G6PD: variants seen among roughly 807,000 people sequenced by gnomAD.
G6PD encodes glucose-6-phosphate 1-dehydrogenase.
G6PD carries 2 observed loss-of-function variants against 38.2 expected under a neutral mutation model. The observed-to-expected ratio is 0.05, with a 90% CI of 0.02 to 0.16. The LOEUF (loss-of-function observed/expected upper bound fraction) is 0.16. G6PD is among the 10% of genes least tolerant of loss of function. The pLI, the probability that G6PD is intolerant of heterozygous loss-of-function variation, is 1.00. For synonymous variants in G6PD, 188 were observed against 196.0 expected (o/e 0.96, Z 0.34); for missense variants, 310 against 471.6 (o/e 0.66, Z 3.17).
rs371427128 is a variant in G6PD, at chrX:154,542,367, G to C, written c.120+3669C>G. The C allele has an allele frequency of 3.3e-6, 4 of 1,207,426 alleles. No individual in the cohort carries two copies. Among genetic ancestry groups the C allele is most frequent in the Non-Finnish European group, 3.4e-6 (3 of 893,427 alleles). On this transcript the variant is annotated intron_variant, in intron 2 of 12. Transcript: ENST00000393562. Reference sequence around the variant, plus strand: ...CCCTCACTCCCTGTGAAGCTCTCCAGCATCATCGAGGTCCCATCAGGTGGG... The same window carrying C: ...CCCTCACTCCCTGTGAAGCTCTCCACCATCATCGAGGTCCCATCAGGTGGG...
At chrX:154,535,766 G>T in intron 4 of G6PD, 171 bp downstream of exon 4, 1 of 502,112 alleles carries the variant, frequency 2.0e-6, no homozygotes, top group Non-Finnish European at 3.6e-6. Context: ...GTGGGTCCTG[G>T]TCACGGGGGC....
rs782172801 is a variant in G6PD, at chrX:154,542,525, C to G, written c.120+3511G>C. 534 of 1,095,849 alleles carry G rather than the reference C, an allele frequency of 4.9e-4. 1 individual carries two copies. Among genetic ancestry groups the G allele is most frequent in the Non-Finnish European group, 4.4e-4 (365 of 834,342 alleles). 90.3% of individuals were successfully genotyped at this position (1,095,849 alleles called of 1,213,427 possible). On this transcript the variant is annotated intron_variant, in intron 2 of 12. Coordinates refer to ENST00000393562, the MANE Select transcript of G6PD (RefSeq NM_001360016.2). ...GCAGGAAGTGGCCCACTTGGTAACT[C>G]TGAGGTGCCATCAGGGCCCCCAGGA...
At chrX:154,538,884 C>A (rs1023315374) in intron 2 of G6PD, among the ~76,000 whole-genome samples, 2 of 109,920 alleles carry the variant, frequency 1.8e-5, no homozygotes, top group Admixed American at 1.9e-4. Context: ...CGAGATCACA[C>A]CACTGTAGCC....
rs1557230310 is a variant in G6PD, at chrX:154,534,316, C to T, written c.644+22G>A. On this transcript the variant is annotated intron_variant, in intron 6 of 12. Coordinates refer to ENST00000393562, the MANE Select transcript of G6PD (RefSeq NM_001360016.2). ...CTGAGTACCACCCCCACCCTGGTCC[C>T]CCGGCCCAGGCTTGGCCCCACCTCA... is the stretch of plus-strand genomic sequence containing the variant. The T allele has an allele frequency of 4.1e-6, 5 of 1,207,720 alleles. No homozygotes were observed. In the African/African-American group the frequency reaches 7.0e-5, roughly 17 times the overall value.
chrX:154,542,543 C>A (rs1009960467), intron 2 of G6PD: 11 of 1,048,025 alleles, frequency 1.0e-5, no homozygotes, highest in Non-Finnish European at 1.3e-5. Flanking sequence ...CCATCAGGGC[C>A]CCCAGGAAGG....
chrX:154,537,324 AAAC>A (rs1480182414), intron 2 of G6PD, among the ~76,000 whole-genome samples: 4 of 107,881 alleles, frequency 3.7e-5, no homozygotes, highest in Admixed American at 9.9e-5. Context: ...AAAAACAAAA[AAAC>A]AACTAAACAG....
intron 2 of G6PD, chrX:154,542,549 G>A: frequency 9.7e-7 from 1 of 1,029,579 alleles, no homozygotes; most frequent in Non-Finnish European, 1.3e-6. Flanking sequence ...GGGCCCCCAG[G>A]AAGGAAGCTG....
At chrX:154,546,856 G>C, upstream of G6PD, 1 of 1,111,066 alleles carries the variant, frequency 9.0e-7, no homozygotes, top group Non-Finnish European at 1.2e-6. Flanking sequence ...CGGGGGCTGA[G>C]CCCCGCCGGC....
At position 154,535,397 on chromosome X, in the gene G6PD, GGACA is replaced by G. The variant is rs1569556252; in HGVS notation, c.268-16_268-13del. 6 of 1,189,276 alleles carry G rather than the reference GGACA, an allele frequency of 5.0e-6. No homozygotes were observed. The highest frequency in any genetic ancestry group is 2.2e-5 in the Admixed American group (1 of 45,200). ...TCCTCTGGGGTGGCCTGGGAGACACGGACAGACAGACACACAGACAGATGTCAGC... is the reference window on the plus strand; with the variant it reads ...TCCTCTGGGGTGGCCTGGGAGACACGGACAGACACACAGACAGATGTCAGC... On this transcript the variant is annotated splice_polypyrimidine_tract_variant and intron_variant, in intron 4 of 12. Transcript: ENST00000393562.
At chrX:154,546,371 T>A (rs1464381310) in intron 1 of G6PD, among the ~76,000 whole-genome samples, 1 of 112,253 alleles carries the variant, frequency 8.9e-6, no homozygotes, top group East Asian at 2.8e-4. Context: ...TAGGCAGCCT[T>A]CATTCAGGGT....
Position 154,531,759 on chromosome X carries a change from A to T in G6PD, c.*241T>A, listed in dbSNP as rs1457722022. 4.7e-6 allele frequency: 2 copies of T among 423,719 alleles called. No individual in the cohort carries two copies. The highest frequency in any genetic ancestry group is 4.2e-5 in the Admixed American group (1 of 23,728). 34.9% of individuals were successfully genotyped at this position (423,719 alleles called of 1,213,427 possible). A position where few individuals can be genotyped will look rare whatever the true frequency, so the allele number is the denominator to read the frequency against. On this transcript the variant is annotated 3_prime_UTR_variant, in exon 13 of 13. Transcript: ENST00000393562. Reference sequence around the variant, plus strand: ...TCTGTTGGGCTGGAGTGAGTGGAGGAGGTGACTCAGCTCCTGGGCTCAGGC... The same window carrying T: ...TCTGTTGGGCTGGAGTGAGTGGAGGTGGTGACTCAGCTCCTGGGCTCAGGC...
At chrX:154,535,868 G>A (rs2070402036) in intron 4 of G6PD, 69 bp downstream of exon 4, 17 of 927,471 alleles carry the variant, frequency 1.8e-5, no homozygotes, top group South Asian at 4.0e-5. Context: ...GGAGGTCCCC[G>A]AAGCTGGCCA....
chrX:154,531,945 T>A lies in G6PD; in HGVS notation c.*55A>T. 2.9e-6 allele frequency: 3 copies of A among 1,032,864 alleles called. No individual in the cohort carries two copies. The highest frequency in any genetic ancestry group is 3.8e-6 in the Non-Finnish European group (3 of 787,780). 85.1% of individuals were successfully genotyped at this position (1,032,864 alleles called of 1,213,427 possible). A position where few individuals can be genotyped will look rare whatever the true frequency, so the allele number is the denominator to read the frequency against. ...GTCCCGGAGTCCTCCCGACTCGGGG[T>A]CGGGCGGCGGGAAGGAGGGTGGCCG... On this transcript the variant is annotated 3_prime_UTR_variant, in exon 13 of 13. Transcript: ENST00000393562.
chrX:154,546,571 C>T (rs2035592366), intron 1 of G6PD, among the ~76,000 whole-genome samples: 1 of 110,789 alleles, frequency 9.0e-6, no homozygotes, highest in African/African-American at 3.3e-5. Context: ...CTCCAGCCCT[C>T]CCCTTGCCAA....
intron 2 of G6PD, among the ~76,000 whole-genome samples, chrX:154,540,180 A>G (rs782235799): frequency 6.4e-5 from 7 of 109,183 alleles, no homozygotes; most frequent in Non-Finnish European, 1.1e-4. Context: ...CGTCTCTACT[A>G]AAAATACAGG....
chrX:154,546,911 A>C (rs1290644246), upstream of G6PD: 5 of 770,554 alleles, frequency 6.5e-6, no homozygotes, highest in Non-Finnish European at 5.0e-6. Flanking sequence ...GGCTGAGCGG[A>C]CCCGCCTCAG....
At position 154,531,700 on chromosome X, in the gene G6PD, C is replaced by T. The variant is rs2070337026; in HGVS notation, c.*300G>A. On this transcript the variant is annotated 3_prime_UTR_variant, in exon 13 of 13. Transcript: ENST00000393562. ...AGTGAGACCCAGTGGCCAATAAGCT[C>T]TGGGACAGACGAATGGGCGCCCTCC... 1 of 335,569 alleles carries T rather than the reference C, an allele frequency of 3.0e-6. No individual in the cohort carries two copies. The highest frequency in any genetic ancestry group is 8.4e-4 in the Middle Eastern group (1 of 1,192). 27.7% of individuals were successfully genotyped at this position (335,569 alleles called of 1,213,427 possible).
In G6PD at chrX:154,533,629, C is replaced by A; in HGVS notation, c.811G>T (p.Val271Leu). 8.2e-7 allele frequency: 1 copy of A among 1,212,125 alleles called. No homozygotes were observed. Among genetic ancestry groups the A allele is most frequent in the South Asian group, 1.8e-5 (1 of 57,040 alleles). ...GTGGAGGCGGGCTTCTCCATGGCCA[C>A]CAGACACAGCATCTGCAGTAGGTGG... ...QNHLLQMLCL[V>L]AMEKPASTNS... Residue 271 changes from valine (V) to leucine (L), a missense_variant, in exon 8 of 13, where the codon GTG (valine) becomes TTG (leucine). Physicochemically the swap from Val to Leu is conservative, Grantham distance 32. This residue lies in a region of G6PD where 168 missense variants were observed against 309.2 expected (regional missense o/e 0.54). Coordinates refer to ENST00000393562, the MANE Select transcript of G6PD (RefSeq NM_001360016.2).
intron 2 of G6PD, among the ~76,000 whole-genome samples, chrX:154,538,456 TA>T (rs1296761526): frequency 1.8e-5 from 2 of 111,871 alleles, no homozygotes; most frequent in Non-Finnish European, 3.8e-5. Flanking sequence ...ATTAAGAGAT[TA>T]AAAAAAACCT....
Sources: gnomAD v4.1 joint callset for allele counts (sites outside exome capture counted in the v4.1 genomes callset) on GRCh38, gnomAD v4.1.1 for gene constraint, gnomAD v4.1.1 regional missense constraint, MANE v1.5 for transcripts, NCBI Gene and HGNC (gene_info 2026-07-23, HGNC 2026-07-21) for gene names.